USP32: variants seen among roughly 807,000 people sequenced by gnomAD.
USP32 encodes ubiquitin specific peptidase 32.
USP32 carries 59 observed loss-of-function variants against 204.8 expected under a neutral mutation model. That is an observed-to-expected ratio of 0.29 (90% CI 0.23 to 0.36). The LOEUF (loss-of-function observed/expected upper bound fraction) is 0.36. Among genes scored for constraint, USP32 ranks in the 10% least tolerant of loss-of-function variants. The probability of loss-of-function intolerance (pLI) is 1.00; values close to 1 mark genes in which losing one functional copy is unlikely to be tolerated. For synonymous variants in USP32, 517 were observed against 678.4 expected (o/e 0.76, Z 3.70); for missense variants, 1,160 against 1,946.4 (o/e 0.60, Z 7.60).
At chr17:60,269,322 A>T in intron 7 of USP32, 128 bp downstream of exon 7, 2 of 690,332 alleles carry the variant, frequency 2.9e-6, no homozygotes, top group South Asian at 3.7e-5. Context: ...CTAACATGAG[A>T]TTAATATTTG....
chr17:60,371,493 T>TGG (rs891401461), intron 1 of USP32, among the ~76,000 whole-genome samples: 2 of 151,270 alleles, frequency 1.3e-5, no homozygotes, highest in African/African-American at 4.9e-5. Context: ...CGCTTGAACT[T>TGG]GGGAGGTGGA....
At chr17:60,262,990 T>G (rs1048808004) in intron 9 of USP32, among the ~76,000 whole-genome samples, 2 of 152,034 alleles carry the variant, frequency 1.3e-5, no homozygotes, top group Non-Finnish European at 2.9e-5. Flanking sequence ...ATTCTGTTGC[T>G]CAGCCTGTAG....
At chr17:60,329,120 T>C (rs937299643) in intron 2 of USP32, among the ~76,000 whole-genome samples, 2 of 152,160 alleles carry the variant, frequency 1.3e-5, no homozygotes, top group African/African-American at 4.8e-5. Flanking sequence ...CATAAATATG[T>C]ATAATTATTA....
At chr17:60,230,693 G>GA (rs1167745044) in intron 12 of USP32, among the ~76,000 whole-genome samples, 1 of 152,154 alleles carries the variant, frequency 6.6e-6, no homozygotes, top group Admixed American at 6.5e-5. Flanking sequence ...TCCACTGCCT[G>GA]AAACTGTCAG....
At position 60,177,982 on chromosome 17, in the gene USP32, GAAAT is replaced by G. The variant is rs2084008352; in HGVS notation, c.*1269_*1272del. On this transcript the variant is annotated 3_prime_UTR_variant, in exon 34 of 34. Coordinates refer to ENST00000300896, the MANE Select transcript of USP32 (RefSeq NM_032582.4). Reference sequence around the variant, plus strand: ...AAACTACACGAAAAAAATGCTACCTGAAATAAATAATATTTATACTTTTGTTCCA... The same window carrying G: ...AAACTACACGAAAAAAATGCTACCTGAAATAATATTTATACTTTTGTTCCA... Among the ~76,000 whole-genome samples, 1 of 151,874 alleles carries G rather than the reference GAAAT, an allele frequency of 6.6e-6. No individual in the cohort carries two copies. Among genetic ancestry groups the G allele is most frequent in the Admixed American group, 6.6e-5 (1 of 15,256 alleles).
intron 1 of USP32, among the ~76,000 whole-genome samples, chr17:60,351,578 C>A (rs2088951512): frequency 6.7e-6 from 1 of 149,308 alleles, no homozygotes; most frequent in African/African-American, 2.6e-5. Context: ...CAGGCACGCA[C>A]CACCGTGCCT....
At position 60,268,818 on chromosome 17, in the gene USP32, C is replaced by T. The variant is rs138774223; in HGVS notation, c.811+632G>A. ...TACGATAAAAATATTGAACACCACA[C>T]CCAAAATATGCAACATTTGGGAAGA... is the stretch of plus-strand genomic sequence containing the variant. On this transcript the variant is annotated intron_variant, in intron 7 of 33. Coordinates refer to ENST00000300896, the MANE Select transcript of USP32 (RefSeq NM_032582.4). 3.7e-4 allele frequency among the ~76,000 whole-genome samples: 56 copies of T among 152,078 alleles called. 2 individuals carry two copies. In the East Asian group the frequency reaches 0.011, roughly 29 times the overall value.
chr17:60,390,378 A>C (rs2089809895), intron 1 of USP32, among the ~76,000 whole-genome samples: 1 of 152,200 alleles, frequency 6.6e-6, no homozygotes, highest in Non-Finnish European at 1.5e-5. Context: ...GCCATTGCCT[A>C]ATTGAGGCCA....
At chr17:60,212,919 A>C (rs915714710) in intron 18 of USP32, among the ~76,000 whole-genome samples, 3 of 152,106 alleles carry the variant, frequency 2.0e-5, no homozygotes, top group African/African-American at 7.2e-5. Context: ...ACACCCAGCT[A>C]ATTTTTGTAT....
intron 2 of USP32, among the ~76,000 whole-genome samples, chr17:60,310,321 C>T (rs982617701): frequency 3.3e-5 from 5 of 152,074 alleles, no homozygotes; most frequent in African/African-American, 7.2e-5. Context: ...TCATAATAGT[C>T]GAAGTTTGGA....
chr17:60,353,146 T>C (rs908477781), intron 1 of USP32, among the ~76,000 whole-genome samples: 2 of 152,092 alleles, frequency 1.3e-5, no homozygotes, highest in African/African-American at 2.4e-5. Flanking sequence ...CTTATAAGGA[T>C]AGGACGCTGA....
At chr17:60,412,244 C>T (rs1567900944) in intron 1 of USP32, among the ~76,000 whole-genome samples, 1 of 152,134 alleles carries the variant, frequency 6.6e-6, no homozygotes, top group Non-Finnish European at 1.5e-5. Flanking sequence ...TGGCTCATGC[C>T]TATAATCCCA....
At chr17:60,180,199 T>C (rs1322763157) in intron 33 of USP32, among the ~76,000 whole-genome samples, 1 of 152,080 alleles carries the variant, frequency 6.6e-6, no homozygotes, top group Non-Finnish European at 1.5e-5. Flanking sequence ...CTAATTTTTG[T>C]ATTTTTAGTA....
chr17:60,232,292 C>T (rs1014827581), intron 12 of USP32, among the ~76,000 whole-genome samples: 1 of 149,800 alleles, frequency 6.7e-6, no homozygotes, highest in Non-Finnish European at 1.5e-5. Context: ...CCTGCCTCAG[C>T]CTCCCAAGTA....
intron 1 of USP32, among the ~76,000 whole-genome samples, chr17:60,355,360 C>T (rs562280156): frequency 2.6e-5 from 4 of 152,098 alleles, no homozygotes; most frequent in Non-Finnish European, 4.4e-5. Flanking sequence ...TGCAAGGACA[C>T]ATGACTTTTG....
At chr17:60,367,028 C>A (rs559211314) in intron 1 of USP32, among the ~76,000 whole-genome samples, 2 of 152,064 alleles carry the variant, frequency 1.3e-5, no homozygotes, top group East Asian at 3.9e-4. Flanking sequence ...GGGGTTTCAC[C>A]GTGTTAGCCA....
chr17:60,229,858 G>A (rs747449360), intron 12 of USP32, among the ~76,000 whole-genome samples: 2 of 151,984 alleles, frequency 1.3e-5, no homozygotes, highest in Admixed American at 6.6e-5. Context: ...TTGTTGCCCA[G>A]GCTGGAGTGC....
chr17:60,231,236 T>C (rs2085540170), intron 12 of USP32, among the ~76,000 whole-genome samples: 1 of 152,224 alleles, frequency 6.6e-6, no homozygotes, highest in Non-Finnish European at 1.5e-5. Flanking sequence ...TTTTATGCCC[T>C]GTACATAGGT....
intron 11 of USP32, among the ~76,000 whole-genome samples, chr17:60,250,192 C>G (rs2145702086): frequency 6.6e-6 from 1 of 152,270 alleles, no homozygotes; most frequent in African/African-American, 2.4e-5. Flanking sequence ...TTCTATAAAT[C>G]TTGGTTTCCA....
Sources: gnomAD v4.1 joint callset for allele counts (sites outside exome capture counted in the v4.1 genomes callset) on GRCh38, gnomAD v4.1.1 for gene constraint, MANE v1.5 for transcripts, NCBI Gene and HGNC (gene_info 2026-07-23, HGNC 2026-07-21) for gene names.